Variants in LARP4B observed in about 807,000 individuals in gnomAD.
LARP4B encodes la-related protein 4B.
In LARP4B, 12 loss-of-function variants were observed where a neutral mutation model predicts 89.8. That is an observed-to-expected ratio of 0.13 (90% CI 0.09 to 0.22). The LOEUF is 0.22. Ranked by LOEUF, LARP4B falls within the 10% of genes least tolerant of loss-of-function variation. The pLI is 1.00. For synonymous variants in LARP4B, 367 were observed against 363.3 expected (o/e 1.01, Z -0.12); for missense variants, 757 against 947.7 (o/e 0.80, Z 2.64).
intron 5 of LARP4B, among the ~76,000 whole-genome samples, chr10:847,809 G>A (rs139460696): frequency 6.3e-4 from 96 of 152,274 alleles, no homozygotes; most frequent in African/African-American, 2.3e-3. Flanking sequence ...GATTCCAGGC[G>A]TGAGCCACCG....
intron 11 of LARP4B, among the ~76,000 whole-genome samples, 178 bp downstream of exon 11, chr10:829,207 T>C (rs1471660113): frequency 6.6e-6 from 1 of 152,236 alleles, no homozygotes; most frequent in Non-Finnish European, 1.5e-5. Context: ...CAATCCAAAG[T>C]TCTTTATGCA....
chr10:843,516 T>C (rs1206970824), intron 6 of LARP4B, among the ~76,000 whole-genome samples: 2 of 152,104 alleles, frequency 1.3e-5, no homozygotes, highest in Admixed American at 1.3e-4. Flanking sequence ...CTGACCAACA[T>C]GGTGAAACCC....
At chr10:928,869 C>T (rs940258302) in intron 1 of LARP4B, among the ~76,000 whole-genome samples, 15 of 149,434 alleles carry the variant, frequency 1.0e-4, no homozygotes, top group African/African-American at 3.6e-4. Flanking sequence ...CCACCTCACC[C>T]AGCCTGCACG....
chr10:981,634 G>A, the LARP4B span, among the ~76,000 whole-genome samples: 66 of 151,874 alleles, frequency 4.3e-4, 5 homozygotes, highest in South Asian at 0.013. Flanking sequence ...GCAGTGGTAC[G>A]ATCTCGGCTC....
At chr10:821,533 G>A (rs1171112382) in intron 13 of LARP4B, among the ~76,000 whole-genome samples, 1 of 152,206 alleles carries the variant, frequency 6.6e-6, no homozygotes, top group Non-Finnish European at 1.5e-5. Flanking sequence ...GGATGGCCAA[G>A]ACATTCCCAT....
At chr10:958,780 C>A in the LARP4B span, among the ~76,000 whole-genome samples, 1 of 152,384 alleles carries the variant, frequency 6.6e-6, no homozygotes, top group South Asian at 2.1e-4. Context: ...CGTAGACACA[C>A]TGACAACGTT....
At chr10:859,204 G>A (rs542657797) in intron 5 of LARP4B, among the ~76,000 whole-genome samples, 64 of 151,910 alleles carry the variant, frequency 4.2e-4, no homozygotes, top group Non-Finnish European at 7.8e-4. Context: ...GCTTGAACCC[G>A]GGAGGTGGAC....
intron 3 of LARP4B, among the ~76,000 whole-genome samples, chr10:877,322 A>G (rs1835498593): frequency 6.6e-6 from 1 of 152,160 alleles, no homozygotes; most frequent in South Asian, 2.1e-4. Context: ...TCAAGGCTGC[A>G]GTGAGCTATT....
chr10:954,796 C>T, the LARP4B span, among the ~76,000 whole-genome samples: 10 of 142,612 alleles, frequency 7.0e-5, no homozygotes, highest in East Asian at 2.2e-4. The surrounding 1 kb of genome is among the most constrained non-coding windows in gnomAD (Gnocchi z 5.0). Context: ...CTCCCATCCA[C>T]GCTTCCCCAG....
At chr10:862,415 G>C (rs978978745) in intron 5 of LARP4B, among the ~76,000 whole-genome samples, 1 of 152,126 alleles carries the variant, frequency 6.6e-6, no homozygotes, top group African/African-American at 2.4e-5. Flanking sequence ...GCCCTGCCCA[G>C]TGCATTCCCT....
At chr10:964,593 G>A in the LARP4B span, among the ~76,000 whole-genome samples, 1 of 152,094 alleles carries the variant, frequency 6.6e-6, no homozygotes, top group Non-Finnish European at 1.5e-5. Flanking sequence ...TGGCTCAATG[G>A]ACATGTCAGA....
intron 13 of LARP4B, among the ~76,000 whole-genome samples, chr10:824,589 A>G (rs1832522658): frequency 6.6e-6 from 1 of 152,272 alleles, no homozygotes; most frequent in South Asian, 2.1e-4. Context: ...GGCAGGAAGC[A>G]CAGCTAAGAC....
At chr10:862,459 G>A (rs1834673680) in intron 5 of LARP4B, among the ~76,000 whole-genome samples, 1 of 152,108 alleles carries the variant, frequency 6.6e-6, no homozygotes, top group Non-Finnish European at 1.5e-5. Flanking sequence ...CATGGCAAGT[G>A]GGGTGGGGGA....
chr10:931,196 T>C (rs1830593870), intron 1 of LARP4B, among the ~76,000 whole-genome samples: 1 of 146,228 alleles, frequency 6.8e-6, no homozygotes, highest in Admixed American at 6.7e-5. Flanking sequence ...CCCCGGCTTT[T>C]TCCTGGCCCT....
the LARP4B span, chr10:988,092 C>G: frequency 5.4e-6 from 1 of 186,554 alleles, no homozygotes; most frequent in African/African-American, 2.4e-5. Flanking sequence ...CTAAGCCCCG[C>G]AACTCCCAAA....
intron 1 of LARP4B, among the ~76,000 whole-genome samples, chr10:887,513 C>T (rs568380961): frequency 6.6e-6 from 1 of 151,586 alleles, no homozygotes; most frequent in South Asian, 2.1e-4. Context: ...GCGTTCGAGA[C>T]CAGCCTGGCC....
intron 1 of LARP4B, among the ~76,000 whole-genome samples, chr10:918,505 G>GT (rs1368947854): frequency 2.6e-5 from 4 of 151,574 alleles, no homozygotes; most frequent in Non-Finnish European, 4.4e-5. Flanking sequence ...GTGGTGGCAC[G>GT]TGCCTGTAGT....
chr10:845,410 T>A (rs947520987), intron 5 of LARP4B, among the ~76,000 whole-genome samples: 1 of 151,886 alleles, frequency 6.6e-6, no homozygotes, highest in South Asian at 2.1e-4. Flanking sequence ...TAAACAATAA[T>A]AAAATACAGA....
the LARP4B span, among the ~76,000 whole-genome samples, chr10:944,156 G>A: frequency 2.9e-4 from 44 of 152,230 alleles, no homozygotes; most frequent in Non-Finnish European, 5.7e-4. Flanking sequence ...TACTTGTCAC[G>A]GTGTAGCCGA....
Sources: allele counts gnomAD v4.1 joint callset (sites outside exome capture counted in the v4.1 genomes callset), GRCh38; gene constraint gnomAD v4.1.1; non-coding constraint Gnocchi (gnomAD v3.1); transcripts MANE v1.5; gene names NCBI Gene and HGNC (gene_info 2026-07-23, HGNC 2026-07-21).